CTNNAL1: variants seen among roughly 807,000 people sequenced by gnomAD.
CTNNAL1 encodes the protein catenin alpha like 1, also known as alpha-catulin.
CTNNAL1 carries 69 observed loss-of-function variants against 93.6 expected under a neutral mutation model. The ratio of observed to expected loss-of-function variants is 0.74; its 90% CI spans 0.61 to 0.90. The LOEUF (loss-of-function observed/expected upper bound fraction) is 0.90, where lower values mean the gene tolerates loss of function less well. Ranked by LOEUF, CTNNAL1 falls within the 40% of genes least tolerant of loss-of-function variation. The probability of loss-of-function intolerance (pLI) is 0.00; values close to 1 mark genes in which losing one functional copy is unlikely to be tolerated. For synonymous variants in CTNNAL1, 286 were observed against 305.4 expected, an observed-to-expected ratio of 0.94 and a Z score of 0.66; for missense variants, 836 against 862.0, an observed-to-expected ratio of 0.97 and a Z score of 0.38.
At chr9:108,968,307 AGTG>A (rs1425343993) in intron 10 of CTNNAL1, among the ~76,000 whole-genome samples, 1 of 152,238 alleles carries the variant, frequency 6.6e-6, no homozygotes, top group Non-Finnish European at 1.5e-5. Context: ...AAAGACTAGG[AGTG>A]GAAGCTAAGG....
rs772791350 is a variant in CTNNAL1 at position 108,948,147 on chromosome 9, G to A, written c.1884+39C>T. ...AACATTTATTACCCACTTTTAGCCCGAAATTAAAGTACTAGCATAAAACGG... is the reference window on the plus strand; with the variant it reads ...AACATTTATTACCCACTTTTAGCCCAAAATTAAAGTACTAGCATAAAACGG... On this transcript the variant is annotated intron_variant, in intron 15 of 18. Coordinates refer to ENST00000325551, the MANE Select transcript of CTNNAL1 (RefSeq NM_003798.4). 30 of 1,603,846 alleles carry A rather than the reference G, an allele frequency of 1.9e-5. No individual in the cohort carries two copies. In the East Asian group the frequency reaches 3.1e-4, roughly 17 times the overall value.
In CTNNAL1 at chr9:108,953,909, A is replaced by G. The variant is rs575650377; in HGVS notation, c.1630-1415T>C. Among the ~76,000 whole-genome samples the G allele has an allele frequency of 3.9e-5, 6 of 152,320 alleles. No homozygotes were observed. The East Asian group carries it at 1.2e-3, about 29-fold the overall frequency. ...TGGCTCCTCCTTGAATGGTCACATC[A>G]TCTTTATCTCCATCCTTGGTCTAGT... On this transcript the variant is annotated intron_variant, in intron 12 of 18. Transcript: ENST00000325551.
At chr9:108,958,307 C>T (rs918863601) in intron 11 of CTNNAL1, among the ~76,000 whole-genome samples, 1 of 152,034 alleles carries the variant, frequency 6.6e-6, no homozygotes, top group Non-Finnish European at 1.5e-5. Flanking sequence ...CTCTAAGATA[C>T]CACAGAGTTA....
chr9:108,999,436 T>C (rs1826704251), intron 1 of CTNNAL1, among the ~76,000 whole-genome samples, 180 bp from the exon 2 acceptor site: 1 of 152,178 alleles, frequency 6.6e-6, no homozygotes, highest in East Asian at 1.9e-4. Context: ...TAAGACAATG[T>C]TTCCATTAAT....
intron 11 of CTNNAL1, among the ~76,000 whole-genome samples, chr9:108,956,554 T>A (rs778586284): frequency 3.3e-5 from 5 of 152,242 alleles, no homozygotes; most frequent in Non-Finnish European, 7.3e-5. Flanking sequence ...AAAAATTTCT[T>A]CTTCAAGGAA....
rs570041426 is a variant in CTNNAL1 at position 108,962,582 on chromosome 9, GT to G, written c.1591+2795del. On this transcript the variant is annotated intron_variant, in intron 11 of 18. Coordinates refer to ENST00000325551, the MANE Select transcript of CTNNAL1 (RefSeq NM_003798.4). ...TACCTTTGCTTCTGCAGATCTAGAG[GT>G]TTTCTACGGTGGGGCCAGACTGGCT... 1.4e-3 allele frequency among the ~76,000 whole-genome samples: 210 copies of G among 152,258 alleles called. 1 individual carries two copies. The highest frequency in any genetic ancestry group is 3.4e-3 in the Middle Eastern group (1 of 294).
intron 5 of CTNNAL1, 50 bp downstream of exon 5, chr9:108,984,297 G>A (rs375472608): frequency 2.2e-5 from 19 of 869,396 alleles, no homozygotes; most frequent in African/African-American, 2.0e-4. Context: ...GCATTTAGTC[G>A]GGTGTTCTAA....
chr9:108,989,888 A>C (rs1056837839), intron 4 of CTNNAL1, among the ~76,000 whole-genome samples: 1 of 151,994 alleles, frequency 6.6e-6, no homozygotes, highest in African/African-American at 2.4e-5. Flanking sequence ...TGTCTCTACT[A>C]AAAATACAAA....
intron 14 of CTNNAL1, among the ~76,000 whole-genome samples, chr9:108,951,149 T>A (rs1334414673): frequency 6.6e-6 from 1 of 150,822 alleles, no homozygotes; most frequent in East Asian, 1.9e-4. Flanking sequence ...TAGCTGGGAT[T>A]ACAGGCGCCC....
rs1446408454 is a variant in CTNNAL1 at position 108,976,942 on chromosome 9, A to C, written c.1188+20T>G. On this transcript the variant is annotated intron_variant, in intron 8 of 18. Transcript: ENST00000325551. ...AAATCACAAAGAATTAGAAGAGGCT[A>C]AATTTCAAACTATACTTACTTCTTT... The C allele has an allele frequency of 1.8e-6, 2 of 1,113,376 alleles. No individual in the cohort carries two copies. 69.0% of individuals were successfully genotyped at this position (1,113,376 alleles called of 1,614,324 possible).
At chr9:108,987,378 A>C (rs1831644490) in intron 4 of CTNNAL1, among the ~76,000 whole-genome samples, 1 of 152,088 alleles carries the variant, frequency 6.6e-6, no homozygotes, top group African/African-American at 2.4e-5. Context: ...GTTCTGTTCC[A>C]TTGATCTATA....
intron 15 of CTNNAL1, among the ~76,000 whole-genome samples, chr9:108,944,442 T>C (rs1255414287): frequency 6.6e-6 from 1 of 152,238 alleles, no homozygotes; most frequent in Admixed American, 6.5e-5. Flanking sequence ...ACAAAATTTG[T>C]CACCCATACA....
chr9:108,987,435 TGTA>T (rs1185788543), intron 4 of CTNNAL1, among the ~76,000 whole-genome samples: 3 of 152,226 alleles, frequency 2.0e-5, no homozygotes, highest in African/African-American at 7.2e-5. Context: ...ACTGTAGCCT[TGTA>T]GTATAGTTTG....
In CTNNAL1 at chr9:108,986,123, C is replaced by A. The variant is rs1399796492; in HGVS notation, c.640-1687G>T. ...ACATGTGCCATGCTGGTGTGCTGCACCCATTAACTCGTCATTTAGCATTAG... is the reference window on the plus strand; with the variant it reads ...ACATGTGCCATGCTGGTGTGCTGCAACCATTAACTCGTCATTTAGCATTAG... On this transcript the variant is annotated intron_variant, in intron 4 of 18. Coordinates refer to ENST00000325551, the MANE Select transcript of CTNNAL1 (RefSeq NM_003798.4). 2.7e-5 allele frequency among the ~76,000 whole-genome samples: 4 copies of A among 150,892 alleles called. No homozygotes were observed. The East Asian group carries it at 7.8e-4, about 29-fold the overall frequency.
At chr9:108,983,862 G>C (rs1259475770) in intron 5 of CTNNAL1, among the ~76,000 whole-genome samples, 1 of 152,210 alleles carries the variant, frequency 6.6e-6, no homozygotes, top group Non-Finnish European at 1.5e-5. Context: ...ATTCATTCTA[G>C]AATTGCACCA....
chr9:108,998,159 C>G (rs370903488), intron 2 of CTNNAL1, among the ~76,000 whole-genome samples: 1 of 152,138 alleles, frequency 6.6e-6, no homozygotes, highest in Non-Finnish European at 1.5e-5. Flanking sequence ...TTACCCCTCA[C>G]GGGACATTTG....
chr9:109,010,264 T>C (rs1002715314), intron 1 of CTNNAL1, among the ~76,000 whole-genome samples: 1 of 152,228 alleles, frequency 6.6e-6, no homozygotes, highest in Non-Finnish European at 1.5e-5. Flanking sequence ...CTCAGTGAAC[T>C]TGCCAACACT....
chr9:108,955,536 T>C (rs1190781131), intron 12 of CTNNAL1, among the ~76,000 whole-genome samples: 1 of 152,238 alleles, frequency 6.6e-6, no homozygotes, highest in Admixed American at 6.5e-5. Flanking sequence ...ATGCTATTAC[T>C]GGGATATGGC....
chr9:109,001,682 T>A (rs993851059), intron 1 of CTNNAL1, among the ~76,000 whole-genome samples: 2 of 152,212 alleles, frequency 1.3e-5, no homozygotes, highest in African/African-American at 4.8e-5. Flanking sequence ...AGTGAAGAAC[T>A]GAGGCTTCAT....
Sources: allele counts gnomAD v4.1 joint callset (sites outside exome capture counted in the v4.1 genomes callset), GRCh38; gene constraint gnomAD v4.1.1; transcripts MANE v1.5; gene names NCBI Gene and HGNC (gene_info 2026-07-23, HGNC 2026-07-21).